Variants in STAM observed in about 807,000 individuals in gnomAD.
The protein encoded by STAM is signal transducing adaptor molecule, also known as signal transducing adapter molecule 1.
Under a neutral mutation model 63.4 loss-of-function variants are expected in STAM, and 16 were observed. That is an observed-to-expected ratio of 0.25 (90% confidence interval 0.17 to 0.38). STAM has a LOEUF of 0.38. Ranked by LOEUF, STAM falls within the 10% of genes least tolerant of loss-of-function variation. The probability of loss-of-function intolerance (pLI) is 1.00; values close to 1 mark genes in which losing one functional copy is unlikely to be tolerated. For synonymous variants in STAM, 238 were observed against 223.9 expected (o/e 1.06, Z -0.56); for missense variants, 636 against 657.1 (o/e 0.97, Z 0.35).
At chr10:17,710,191 A>G (rs782594577) in intron 13 of STAM, among the ~76,000 whole-genome samples, 16 of 152,044 alleles carry the variant, frequency 1.1e-4, no homozygotes, top group Non-Finnish European at 2.1e-4. Context: ...ACTATGTCAC[A>G]TGCTGCTCTA....
At chr10:17,657,047 G>A (rs1048310837) in intron 1 of STAM, among the ~76,000 whole-genome samples, 22 of 152,066 alleles carry the variant, frequency 1.4e-4, no homozygotes, top group African/African-American at 5.3e-4. Context: ...CATGCCCATC[G>A]GAGGCTTTTT....
intron 2 of STAM, among the ~76,000 whole-genome samples, chr10:17,677,990 C>T (rs1368010941): frequency 2.6e-5 from 4 of 152,148 alleles, no homozygotes; most frequent in African/African-American, 7.2e-5. Flanking sequence ...ATATATTTCA[C>T]ATACCATCAA....
At chr10:17,667,183 A>G (rs1589044538) in intron 2 of STAM, among the ~76,000 whole-genome samples, 1 of 150,692 alleles carries the variant, frequency 6.6e-6, no homozygotes, top group South Asian at 2.1e-4. Context: ...CTGGAGTGCG[A>G]TGGTGCGATC....
intron 8 of STAM, among the ~76,000 whole-genome samples, chr10:17,697,769 TAATAA>T (rs1326760138): frequency 6.6e-6 from 1 of 152,186 alleles, no homozygotes; most frequent in African/African-American, 2.4e-5. Flanking sequence ...TTTGTATTTG[TAATAA>T]AATATTTAAA....
At position 17,708,893 on chromosome 10, in the gene STAM, G is replaced by C. The variant is rs782429739; in HGVS notation, c.1327G>C (p.Val443Leu). 6 of 1,614,040 alleles carry C rather than the reference G, an allele frequency of 3.7e-6. No individual in the cohort carries two copies. The African/African-American group carries it at 8.0e-5, about 22-fold the overall frequency. The change falls in exon 13 of 14, where the codon GTC (valine) becomes CTC (leucine). Residue 443 changes from valine (V) to leucine (L), a missense_variant. Coordinates refer to ENST00000377524, the MANE Select transcript of STAM (RefSeq NM_003473.4). ...EQLSSLSQAVVPPSANPALPS... is the reference protein window; with the variant it reads ...EQLSSLSQAVLPPSANPALPS... The stretch of plus-strand genomic sequence containing the variant: ...GCTGTCTTCTCTCAGCCAGGCAGTG[G>C]TCCCACCATCCGCAAACCCAGCCCT...
rs1427072064 is a variant in STAM, at chr10:17,716,462, C to A, written c.*1682C>A. ...ATTTCCTGTGTTTAAAATATGTTGC[C>A]CTGCCCTGAAGTCAAATTTCACATT... On this transcript the variant is annotated 3_prime_UTR_variant, in exon 14 of 14. Coordinates refer to ENST00000377524, the MANE Select transcript of STAM (RefSeq NM_003473.4). 6.6e-6 allele frequency among the ~76,000 whole-genome samples: 1 copy of A among 151,896 alleles called. No homozygotes were observed. The highest frequency in any genetic ancestry group is 1.5e-5 in the Non-Finnish European group (1 of 67,974).
intron 2 of STAM, among the ~76,000 whole-genome samples, chr10:17,671,643 A>G (rs1834644736): frequency 6.6e-6 from 1 of 152,220 alleles, no homozygotes; most frequent in Admixed American, 6.5e-5. Flanking sequence ...AACATGCCAG[A>G]TAGTCTTTCA....
intron 2 of STAM, among the ~76,000 whole-genome samples, chr10:17,666,909 A>G (rs1265100501): frequency 1.3e-5 from 2 of 152,074 alleles, no homozygotes; most frequent in African/African-American, 4.8e-5. Context: ...GGACTTTATC[A>G]TCAAAGTCTT....
intron 2 of STAM, among the ~76,000 whole-genome samples, chr10:17,683,448 T>C (rs1835168498): frequency 6.6e-6 from 1 of 152,164 alleles, no homozygotes; most frequent in Non-Finnish European, 1.5e-5. Context: ...AGGTGTGAGC[T>C]GCTGCACCCA....
intron 2 of STAM, among the ~76,000 whole-genome samples, chr10:17,674,239 T>G (rs1834756622): frequency 6.6e-6 from 1 of 152,264 alleles, no homozygotes; most frequent in Admixed American, 6.5e-5. Context: ...GCCGTCAGCT[T>G]CCTTTGTTAG....
chr10:17,662,202 A>G (rs1330270549), intron 2 of STAM, among the ~76,000 whole-genome samples: 1 of 152,056 alleles, frequency 6.6e-6, no homozygotes, highest in Non-Finnish European at 1.5e-5. Context: ...CTTCTGAATC[A>G]TGCATTTTCA....
At chr10:17,680,576 T>A (rs1835045537) in intron 2 of STAM, among the ~76,000 whole-genome samples, 1 of 152,092 alleles carries the variant, frequency 6.6e-6, no homozygotes, top group Non-Finnish European at 1.5e-5. Context: ...TAGATAATTT[T>A]AAAAATTTCT....
rs142649161 is a variant in STAM at position 17,685,494 on chromosome 10, G to C, written c.297+567G>C. ...GAGTCCAAAAAAAGAGGCACTAAAT[G>C]CCAGGGTGATCAGTCTAAAGGATTT... On this transcript the variant is annotated intron_variant, in intron 4 of 13. Transcript: ENST00000377524. 4.5e-3 allele frequency among the ~76,000 whole-genome samples: 678 copies of C among 152,298 alleles called. 4 individuals are homozygous for C. The highest frequency in any genetic ancestry group is 0.015 in the African/African-American group (631 of 41,566).
At chr10:17,685,323 T>C (rs570132221) in intron 4 of STAM, among the ~76,000 whole-genome samples, 3 of 152,208 alleles carry the variant, frequency 2.0e-5, no homozygotes, top group Non-Finnish European at 4.4e-5. Context: ...TCTTTATCAA[T>C]AAGGCTGCTT....
chr10:17,709,025 T>G (rs1836434390), intron 13 of STAM, 74 bp downstream of exon 13: 1 of 1,506,618 alleles, frequency 6.6e-7, no homozygotes. Context: ...TATCTATAAC[T>G]ATAAAATCTG....
chr10:17,648,439 A>C (rs1226932349), intron 1 of STAM, among the ~76,000 whole-genome samples: 1 of 152,222 alleles, frequency 6.6e-6, no homozygotes, highest in Non-Finnish European at 1.5e-5. Flanking sequence ...AGCAGCAGCA[A>C]CCGGCTCGGG....
rs1836754708 is a variant in STAM at position 17,715,047 on chromosome 10, T to G, written c.*267T>G. 1 of 443,492 alleles carries G rather than the reference T, an allele frequency of 2.3e-6. No homozygotes were observed. Among genetic ancestry groups the G allele is most frequent in the African/African-American group, 2.0e-5 (1 of 50,662 alleles). 27.5% of individuals were successfully genotyped at this position (443,492 alleles called of 1,614,324 possible). A position where few individuals can be genotyped will look rare whatever the true frequency, so the allele number is the denominator to read the frequency against. The stretch of plus-strand genomic sequence containing the variant: ...AAGAATTGATACAAGGCTATTTGTC[T>G]CGTAAACCTGGTCTGCAGAAAGTCA... On this transcript the variant is annotated 3_prime_UTR_variant, in exon 14 of 14. Transcript: ENST00000377524.
chr10:17,651,246 T>C (rs1833730738), intron 1 of STAM, among the ~76,000 whole-genome samples: 1 of 152,142 alleles, frequency 6.6e-6, no homozygotes, highest in Non-Finnish European at 1.5e-5. Context: ...GCCACTGTGC[T>C]CTTCAGGTGT....
chr10:17,649,854 C>A (rs1228674366), intron 1 of STAM, among the ~76,000 whole-genome samples: 1 of 152,176 alleles, frequency 6.6e-6, no homozygotes, highest in Non-Finnish European at 1.5e-5. Flanking sequence ...CTCAAGTGAT[C>A]TGCCTGCCTC....
Sources: allele counts gnomAD v4.1 joint callset (sites outside exome capture counted in the v4.1 genomes callset), GRCh38; gene constraint gnomAD v4.1.1; transcripts MANE v1.5; gene names NCBI Gene and HGNC (gene_info 2026-07-23, HGNC 2026-07-21).